The following SCML4 variants were observed in gnomAD, a reference collection of about 807,000 sequenced individuals.
The protein encoded by SCML4 is Scm polycomb group protein like 4, also known as sex comb on midleg-like protein 4.
In SCML4, 34 loss-of-function variants were observed where a neutral mutation model predicts 41.1. That is an observed-to-expected ratio of 0.83 (90% confidence interval 0.63 to 1.10). The LOEUF (loss-of-function observed/expected upper bound fraction) is 1.10, where lower values mean the gene tolerates loss of function less well. Ranked by LOEUF, SCML4 falls within the 50% of genes least tolerant of loss-of-function variation. The pLI, the probability that SCML4 is intolerant of heterozygous loss-of-function variation, is 0.00. For missense variants in SCML4, 522 were observed against 534.1 expected (o/e 0.98, Z 0.22); for synonymous variants, 214 against 220.9 (o/e 0.97, Z 0.28).
At chr6:107,740,498 C>T (rs1316851998) in intron 5 of SCML4, among the ~76,000 whole-genome samples, 1 of 152,146 alleles carries the variant, frequency 6.6e-6, no homozygotes, top group Non-Finnish European at 1.5e-5. Context: ...AGGAGAGGTG[C>T]CTGCAGGGAT....
chr6:107,756,897 T>C (rs1384212632), intron 2 of SCML4, among the ~76,000 whole-genome samples: 1 of 152,224 alleles, frequency 6.6e-6, no homozygotes, highest in African/African-American at 2.4e-5. Flanking sequence ...CAGGACGCCA[T>C]GCTCTGACAT....
rs77621951 is a variant in SCML4, at chr6:107,733,427, T to G, written c.682+11522A>C. Among the ~76,000 whole-genome samples the G allele has an allele frequency of 4.8e-3, 728 of 152,316 alleles. 9 individuals carry two copies. The highest frequency in any genetic ancestry group is 0.017 in the African/African-American group (698 of 41,562). ...TAGTTTTTTTCAGCAAAGGGTTTGT[T>G]GCTTATGAATGAAACACAGAAAGCA... On this transcript the variant is annotated intron_variant, in intron 5 of 7. Coordinates refer to ENST00000369020, the MANE Select transcript of SCML4 (RefSeq NM_198081.5).
intron 1 of SCML4, 134 bp from the exon 2 acceptor site, chr6:107,772,520 C>T: frequency 1.8e-6 from 1 of 541,110 alleles, no homozygotes. Context: ...TATGAAGGAG[C>T]TAGGTACCAC....
In SCML4 at chr6:107,745,140, G is replaced by A. The variant is rs1309813195; in HGVS notation, c.491C>T (p.Ser164Leu). 7 of 1,566,536 alleles carry A rather than the reference G, an allele frequency of 4.5e-6. No individual in the cohort carries two copies. Among genetic ancestry groups the A allele is most frequent in the African/African-American group, 2.7e-5 (2 of 73,754 alleles). ...QGYGGEMVSVSASFDGKQHLR... is the reference protein window; with the variant it reads ...QGYGGEMVSVLASFDGKQHLR... ...GTGCTGTTTGCCATCAAAGGAAGCCGAGACTGGAAAACCAGAGAGATGTCA... is the reference window on the plus strand; with the variant it reads ...GTGCTGTTTGCCATCAAAGGAAGCCAAGACTGGAAAACCAGAGAGATGTCA... Residue 164 changes from serine (S) to leucine (L), a missense_variant, in exon 5 of 8, where the codon TCG (serine) becomes TTG (leucine). Physicochemically the swap from Ser to Leu is moderately radical, Grantham distance 145. Transcript: ENST00000369020.
chr6:107,718,241 C>T (rs1430315419), intron 6 of SCML4, among the ~76,000 whole-genome samples: 1 of 152,184 alleles, frequency 6.6e-6, no homozygotes, highest in Non-Finnish European at 1.5e-5. Context: ...TTGGTTCCCC[C>T]ATTCTGTTCC....
At chr6:107,811,606 A>C (rs1026196234) in intron 1 of SCML4, among the ~76,000 whole-genome samples, 2 of 152,130 alleles carry the variant, frequency 1.3e-5, no homozygotes, top group African/African-American at 4.8e-5. Flanking sequence ...AATGGGAAAA[A>C]ATGTGTCTTC....
intron 2 of SCML4, 30 bp from the exon 3 acceptor site, chr6:107,749,843 G>C (rs1414586495): frequency 5.0e-6 from 8 of 1,612,796 alleles, no homozygotes; most frequent in Non-Finnish European, 6.8e-6. Context: ...TGGTCAATGA[G>C]AATCTGGCAA....
chr6:107,755,620 G>A (rs1192697451), intron 2 of SCML4: 1 of 1,343,952 alleles, frequency 7.4e-7, no homozygotes, highest in South Asian at 1.2e-5. Context: ...ACCTATCCAA[G>A]CTGTTCTCTG....
chr6:107,792,231 C>T (rs113199050), intron 1 of SCML4, among the ~76,000 whole-genome samples: 547 of 152,304 alleles, frequency 3.6e-3, no homozygotes, highest in African/African-American at 0.012. Flanking sequence ...CAGCACCAAC[C>T]TGCAGATGAT....
rs187081029 is a variant in SCML4 at position 107,740,331 on chromosome 6, G to A, written c.682+4618C>T. ...GACCACCCACATCCATCCTGCAAAC[G>A]AGGTTGTAGAGGCGGAGAAACAGTT... On this transcript the variant is annotated intron_variant, in intron 5 of 7. Transcript: ENST00000369020. 1.5e-3 allele frequency among the ~76,000 whole-genome samples: 236 copies of A among 152,302 alleles called. 1 individual carries two copies. The highest frequency in any genetic ancestry group is 5.5e-3 in the African/African-American group (227 of 41,574).
At chr6:107,779,949 T>C (rs992273331) in intron 1 of SCML4, among the ~76,000 whole-genome samples, 1 of 152,250 alleles carries the variant, frequency 6.6e-6, no homozygotes, top group African/African-American at 2.4e-5. Context: ...GATTACATGA[T>C]GGCTTATACA....
At chr6:107,726,158 T>C (rs755821814) in intron 5 of SCML4, among the ~76,000 whole-genome samples, 3 of 151,704 alleles carry the variant, frequency 2.0e-5, no homozygotes, top group Non-Finnish European at 4.4e-5. Flanking sequence ...AAATTATATA[T>C]TTGATCAGGG....
At chr6:107,836,816 T>C in the SCML4 span, among the ~76,000 whole-genome samples, 88 of 152,334 alleles carry the variant, frequency 5.8e-4, no homozygotes, top group African/African-American at 1.9e-3. Context: ...TCTGCCTACA[T>C]TTAGCCATTT....
chr6:107,764,892 T>G (rs1281971337), intron 2 of SCML4, among the ~76,000 whole-genome samples: 1 of 152,170 alleles, frequency 6.6e-6, no homozygotes, highest in Non-Finnish European at 1.5e-5. Flanking sequence ...TGACTCTCGT[T>G]CTCTCTTATC....
chr6:107,807,608 C>G (rs988881130), intron 1 of SCML4, among the ~76,000 whole-genome samples: 1 of 152,246 alleles, frequency 6.6e-6, no homozygotes, highest in Non-Finnish European at 1.5e-5. Flanking sequence ...GTCAGCCTTT[C>G]TGGTCCCATT....
At chr6:107,808,267 C>T (rs550585719) in intron 1 of SCML4, among the ~76,000 whole-genome samples, 8 of 152,274 alleles carry the variant, frequency 5.3e-5, no homozygotes, top group African/African-American at 7.2e-5. Flanking sequence ...ACCCCAAAAC[C>T]TTCCGTCTTC....
intron 5 of SCML4, among the ~76,000 whole-genome samples, chr6:107,734,715 A>G (rs1391837996): frequency 5.3e-5 from 8 of 152,094 alleles, no homozygotes; most frequent in Admixed American, 2.6e-4. Flanking sequence ...ACATGGGGAG[A>G]ATTAGGATGA....
intron 5 of SCML4, among the ~76,000 whole-genome samples, chr6:107,724,391 G>T (rs879784263): frequency 6.6e-6 from 1 of 152,154 alleles, no homozygotes; most frequent in East Asian, 1.9e-4. Context: ...AAATCCTAAG[G>T]AATCTACTTA....
intron 1 of SCML4, among the ~76,000 whole-genome samples, chr6:107,813,375 TATATA>T (rs1784317581): frequency 6.1e-5 from 1 of 16,472 alleles, no homozygotes; most frequent in Non-Finnish European, 3.2e-4. Flanking sequence ...AAAAATTATA[TATATA>T]TATATATATA....
Sources: allele counts gnomAD v4.1 joint callset (sites outside exome capture counted in the v4.1 genomes callset), GRCh38; gene constraint gnomAD v4.1.1; transcripts MANE v1.5; gene names NCBI Gene and HGNC (gene_info 2026-07-23, HGNC 2026-07-21).